The following TUSC3 variants were observed in gnomAD, a reference collection of about 807,000 sequenced individuals.
The protein encoded by TUSC3 is tumor suppressor candidate 3.
Under a neutral mutation model 44.8 loss-of-function variants are expected in TUSC3, and 45 were observed. The ratio of observed to expected loss-of-function variants is 1.00; its 90% CI spans 0.79 to 1.29. The LOEUF (loss-of-function observed/expected upper bound fraction) is 1.29, where lower values mean the gene tolerates loss of function less well. Ranked by LOEUF, TUSC3 falls within the 50% of genes most tolerant of loss-of-function variation. The pLI, the probability that TUSC3 is intolerant of heterozygous loss-of-function variation, is 0.00. For synonymous variants in TUSC3, 212 were observed against 152.9 expected, an observed-to-expected ratio of 1.39 and a Z score of -2.85; for missense variants, 519 against 437.9, an observed-to-expected ratio of 1.19 and a Z score of -1.65.
chr8:15,682,984 C>G (rs577456616), intron 6 of TUSC3, among the ~76,000 whole-genome samples: 3 of 152,096 alleles, frequency 2.0e-5, no homozygotes, highest in African/African-American at 7.2e-5. Flanking sequence ...GCCCCATTCT[C>G]TTCTGGCTTG....
intron 6 of TUSC3, among the ~76,000 whole-genome samples, chr8:15,720,408 C>A (rs1340002895): frequency 1.3e-5 from 2 of 152,050 alleles, no homozygotes; most frequent in Admixed American, 1.3e-4. Flanking sequence ...ATTAGTTAAA[C>A]CCAGTCTGAA....
intron 7 of TUSC3, 81 bp from the exon 8 acceptor site, chr8:15,743,453 ATTCT>A: frequency 7.4e-7 from 1 of 1,354,726 alleles, no homozygotes; most frequent in East Asian, 2.3e-5. Flanking sequence ...TAGTTTAACC[ATTCT>A]GGAACATTGT....
At chr8:15,683,670 A>G (rs1808512496) in intron 6 of TUSC3, among the ~76,000 whole-genome samples, 1 of 152,126 alleles carries the variant, frequency 6.6e-6, no homozygotes. Context: ...ATCGATTGTT[A>G]GGGAGCTAGT....
At chr8:15,688,277 G>T (rs1808727976) in intron 6 of TUSC3, among the ~76,000 whole-genome samples, 1 of 152,110 alleles carries the variant, frequency 6.6e-6, no homozygotes, top group Admixed American at 6.6e-5. Context: ...TTCAGAATAA[G>T]ATGTACATTT....
chr8:15,509,901 G>C (rs1801109233), intron 2 of TUSC3, among the ~76,000 whole-genome samples: 1 of 152,160 alleles, frequency 6.6e-6, no homozygotes, highest in African/African-American at 2.4e-5. Context: ...GTTATCTAAT[G>C]CTTACCAGGA....
At chr8:15,836,930 A>G in the TUSC3 span, among the ~76,000 whole-genome samples, 1 of 152,174 alleles carries the variant, frequency 6.6e-6, no homozygotes, top group African/African-American at 2.4e-5. Flanking sequence ...GAACACTGTT[A>G]TATAACTGCA....
intron 2 of TUSC3, among the ~76,000 whole-genome samples, chr8:15,533,136 T>G (rs1261273488): frequency 6.6e-6 from 1 of 152,176 alleles, no homozygotes; most frequent in Non-Finnish European, 1.5e-5. Flanking sequence ...ACCAGTTCTC[T>G]TTCTTTACGT....
intron 6 of TUSC3, among the ~76,000 whole-genome samples, chr8:15,675,452 G>A (rs1166815370): frequency 6.7e-6 from 1 of 149,968 alleles, no homozygotes; most frequent in Non-Finnish European, 1.5e-5. Context: ...TTTTTCTTTG[G>A]TTGTTAGAAC....
At chr8:15,717,637 A>C (rs1423569755) in intron 6 of TUSC3, among the ~76,000 whole-genome samples, 1 of 152,064 alleles carries the variant, frequency 6.6e-6, no homozygotes, top group Non-Finnish European at 1.5e-5. Flanking sequence ...CCATCTTTGG[A>C]GTCTTTCCAT....
At chr8:15,763,865 T>C (rs1199162040) in intron 10 of TUSC3, among the ~76,000 whole-genome samples, 1 of 152,074 alleles carries the variant, frequency 6.6e-6, no homozygotes, top group African/African-American at 2.4e-5. Flanking sequence ...CGCATTTGTT[T>C]CAGTCCATTC....
chr8:15,811,618 T>C, the TUSC3 span, among the ~76,000 whole-genome samples: 894 of 152,284 alleles, frequency 5.9e-3, 12 homozygotes, highest in African/African-American at 0.021. Flanking sequence ...GGCAAAGAAT[T>C]AGTGAATGTG....
At chr8:15,740,973 A>T (rs7826764) in intron 7 of TUSC3, among the ~76,000 whole-genome samples, 1 of 152,176 alleles carries the variant, frequency 6.6e-6, no homozygotes, top group African/African-American at 2.4e-5. Flanking sequence ...AAGCAATTCA[A>T]ATGAGAAACA....
At position 15,569,680 on chromosome 8, in the gene TUSC3, C is replaced by T. The variant is rs186177377; in HGVS notation, c.138+29112C>T. Among the ~76,000 whole-genome samples, 610 of 152,200 alleles carry T rather than the reference C, an allele frequency of 4.0e-3. 12 individuals are homozygous for T. The highest frequency in any genetic ancestry group is 9.4e-4 in the Non-Finnish European group (64 of 68,016). ...CTGGGCTAACGGGGACATCTCGTTACGTGAGTTAGAGGTAGGGTAGACGGT... is the reference window on the plus strand; with the variant it reads ...CTGGGCTAACGGGGACATCTCGTTATGTGAGTTAGAGGTAGGGTAGACGGT... On this transcript the variant is annotated intron_variant, in intron 1 of 10. Coordinates refer to ENST00000503731, the MANE Select transcript of TUSC3 (RefSeq NM_006765.4).
chr8:15,846,737 G>T, the TUSC3 span, among the ~76,000 whole-genome samples: 235 of 152,210 alleles, frequency 1.5e-3, 2 homozygotes, highest in Admixed American at 3.1e-3. Context: ...AGGGCTAGGG[G>T]AGGAATAGCG....
the TUSC3 span, among the ~76,000 whole-genome samples, chr8:15,778,564 T>C: frequency 6.6e-6 from 1 of 152,300 alleles, no homozygotes; most frequent in South Asian, 2.1e-4. Context: ...GCCAGTATTA[T>C]TAGGTAACAC....
intron 6 of TUSC3, among the ~76,000 whole-genome samples, chr8:15,711,302 G>T (rs923386579): frequency 5.3e-5 from 8 of 151,510 alleles, no homozygotes; most frequent in African/African-American, 1.9e-4. Flanking sequence ...TCTTCATTAG[G>T]CATAGAAGAT....
chr8:15,647,452 G>A lies in TUSC3; in HGVS notation c.309-3245G>A, dbSNP rs139630493. 1.3e-4 allele frequency among the ~76,000 whole-genome samples: 20 copies of A among 152,034 alleles called. No individual in the cohort carries two copies. In the East Asian group the frequency reaches 3.9e-3, roughly 29 times the overall value. On this transcript the variant is annotated intron_variant, in intron 2 of 10. Coordinates refer to ENST00000503731, the MANE Select transcript of TUSC3 (RefSeq NM_006765.4). ...GGTTTTCTTACTATAGATTTAATAT[G>A]TTCTAGCTGTTTCTGATTTTAATGA...
chr8:15,514,837 G>A lies in TUSC3; in HGVS notation n.189+31354G>A, dbSNP rs143322909. On this transcript the variant is annotated intron_variant and non_coding_transcript_variant, in intron 2 of 5. Coordinates refer to the TUSC3 transcript ENST00000503191. ...TTATGACTCAGCCACTCGCTAGGCTGATTGATTTCAACTCTCTCAGCCTCA... is the reference window on the plus strand; with the variant it reads ...TTATGACTCAGCCACTCGCTAGGCTAATTGATTTCAACTCTCTCAGCCTCA... Among the ~76,000 whole-genome samples, 23 of 152,284 alleles carry A rather than the reference G, an allele frequency of 1.5e-4. No homozygotes were observed. The East Asian group carries it at 4.0e-3, about 27-fold the overall frequency.
chr8:15,522,208 T>A (rs556392534), intron 2 of TUSC3, among the ~76,000 whole-genome samples: 5 of 152,140 alleles, frequency 3.3e-5, no homozygotes, highest in Admixed American at 1.3e-4. Flanking sequence ...TAAGTGCTAG[T>A]AAGTCAATAA....
Sources: gnomAD v4.1 joint callset for allele counts (sites outside exome capture counted in the v4.1 genomes callset) on GRCh38, gnomAD v4.1.1 for gene constraint, MANE v1.5 for transcripts, NCBI Gene and HGNC (gene_info 2026-07-23, HGNC 2026-07-21) for gene names.